USP9X: variants seen among roughly 807,000 people sequenced by gnomAD.
USP9X encodes the protein ubiquitin specific peptidase 9 X-linked, also known as ubiquitin carboxyl-terminal hydrolase 9X.
Under a neutral mutation model 190.3 loss-of-function variants are expected in USP9X, and 7 were observed. The ratio of observed to expected loss-of-function variants is 0.04; its 90% CI spans 0.02 to 0.07. The LOEUF (loss-of-function observed/expected upper bound fraction) is 0.07, where lower values mean the gene tolerates loss of function less well. Ranked by LOEUF, USP9X falls within the 10% of genes least tolerant of loss-of-function variation. The pLI is 1.00. For missense variants in USP9X, 1,010 were observed against 1,916.9 expected (o/e 0.53, Z 8.83); for synonymous variants, 645 against 659.5 (o/e 0.98, Z 0.34).
intron 5 of USP9X, among the ~76,000 whole-genome samples, 182 bp from the exon 6 acceptor site, chrX:41,136,622 A>G (rs762599963): frequency 3.3e-4 from 37 of 112,586 alleles, no homozygotes; most frequent in Non-Finnish European, 6.7e-4. Flanking sequence ...TGAAAGTACC[A>G]TATAAATTAT....
At position 41,127,596 on chromosome X, in the gene USP9X, C is replaced by G. The variant is rs775439555; in HGVS notation, c.97-1404C>G. Among the ~76,000 whole-genome samples the G allele has an allele frequency of 1.1e-4, 12 of 112,244 alleles. No homozygotes were observed. In the Admixed American group the frequency reaches 1.1e-3, roughly 11 times the overall value. ...TGTTGGACTTGTAACACTTGACTTC[C>G]GTGCTGTAGTTTCCTGTGCCTTGAG... On this transcript the variant is annotated intron_variant, in intron 2 of 44. Transcript: ENST00000378308.
chrX:41,116,436 T>TA (rs896316075), intron 1 of USP9X, among the ~76,000 whole-genome samples: 4 of 112,481 alleles, frequency 3.6e-5, no homozygotes, highest in African/African-American at 1.3e-4. Context: ...CTCTGTGACA[T>TA]AAAAAACAGG....
At chrX:41,143,268 C>G (rs769956497) in intron 9 of USP9X, 23 bp from the exon 10 acceptor site, 1 of 1,081,032 alleles carries the variant, frequency 9.3e-7, no homozygotes, top group Non-Finnish European at 1.2e-6. Context: ...TGCTTTCAAA[C>G]ACGTTTTTGA....
intron 24 of USP9X, among the ~76,000 whole-genome samples, 170 bp from the exon 25 acceptor site, chrX:41,187,822 C>T (rs1341226804): frequency 2.8e-5 from 3 of 107,983 alleles, no homozygotes; most frequent in Non-Finnish European, 3.8e-5. Context: ...GGGCCCTCCG[C>T]CCCCACCTTT....
chrX:41,188,786 A>G (rs2062906245), intron 25 of USP9X, among the ~76,000 whole-genome samples: 1 of 112,029 alleles, frequency 8.9e-6, no homozygotes, highest in Non-Finnish European at 1.9e-5. Flanking sequence ...CTGAATACTT[A>G]TTCTGTTTCA....
intron 1 of USP9X, among the ~76,000 whole-genome samples, chrX:41,086,361 G>C (rs1230635810): frequency 5.4e-5 from 6 of 111,966 alleles, no homozygotes; most frequent in Non-Finnish European, 1.1e-4. Context: ...AATGGCTGAC[G>C]GCTCCGTCCC....
At chrX:41,094,661 T>A (rs1225794260) in intron 1 of USP9X, among the ~76,000 whole-genome samples, 1 of 111,579 alleles carries the variant, frequency 9.0e-6, no homozygotes, top group Non-Finnish European at 1.9e-5. Flanking sequence ...ATATTTGGGA[T>A]CAGAAGTGTT....
chrX:41,085,598 G>T lies in USP9X; in HGVS notation c.-670G>T. 3.6e-6 allele frequency: 1 copy of T among 276,831 alleles called. No homozygotes were observed. Among genetic ancestry groups the T allele is most frequent in the Non-Finnish European group, 6.4e-6 (1 of 157,306 alleles). The allele number at this position is 276,831 out of a possible 1,213,427, so 22.8% of individuals were successfully genotyped here. A position where few individuals can be genotyped will look rare whatever the true frequency, so the allele number is the denominator to read the frequency against. ...CCGCCTTACACAGCTCCCGGGCCTC[G>T]CGGGAGCCCGCCGCCGCCGCCTCTC... On this transcript the variant is annotated 5_prime_UTR_variant, in exon 1 of 45. Coordinates refer to ENST00000378308, the MANE Select transcript of USP9X (RefSeq NM_001039591.3).
At chrX:41,138,442 G>C (rs1347281410) in intron 6 of USP9X, among the ~76,000 whole-genome samples, 1 of 112,261 alleles carries the variant, frequency 8.9e-6, no homozygotes, top group Non-Finnish European at 1.9e-5. Context: ...GATACTGTTT[G>C]TAATGAGTTT....
intron 11 of USP9X, among the ~76,000 whole-genome samples, chrX:41,145,716 G>A (rs2062458578): frequency 9.0e-6 from 1 of 111,535 alleles, no homozygotes; most frequent in Non-Finnish European, 1.9e-5. Flanking sequence ...TTCACATTGT[G>A]TACTGTAATA....
chrX:41,179,734 G>A (rs997263368), intron 21 of USP9X, among the ~76,000 whole-genome samples: 37 of 111,813 alleles, frequency 3.3e-4, no homozygotes, highest in South Asian at 3.0e-3. Context: ...TCAGTCTTCA[G>A]CCTCTGTCTT....
At chrX:41,181,435 C>CTCTTTTTT (rs2062825321) in intron 21 of USP9X, among the ~76,000 whole-genome samples, 1 of 38,572 alleles carries the variant, frequency 2.6e-5, no homozygotes, top group Non-Finnish European at 5.4e-5. Flanking sequence ...CCACACCTGA[C>CTCTTTTTT]TTTTTTTTTT....
At chrX:41,212,466 A>AT (rs1385564115) in intron 33 of USP9X, among the ~76,000 whole-genome samples, 1 of 107,954 alleles carries the variant, frequency 9.3e-6, no homozygotes, top group African/African-American at 3.4e-5. Context: ...AATTAAAAAA[A>AT]AAAAAAAAAG....
At chrX:41,130,479 T>C (rs750653211) in intron 3 of USP9X, among the ~76,000 whole-genome samples, 1 of 96,229 alleles carries the variant, frequency 1.0e-5, no homozygotes, top group Non-Finnish European at 2.1e-5. Flanking sequence ...TTTTCTTTTT[T>C]TTTTTGTTTT....
chrX:41,168,481 G>A (rs554368223), intron 18 of USP9X, among the ~76,000 whole-genome samples: 1 of 111,876 alleles, frequency 8.9e-6, no homozygotes, highest in South Asian at 3.7e-4. Context: ...AAGTGTTGCA[G>A]TGGCATTTTG....
At chrX:41,124,686 A>G (rs1332985842) in intron 2 of USP9X, among the ~76,000 whole-genome samples, 1 of 111,579 alleles carries the variant, frequency 9.0e-6, no homozygotes, top group African/African-American at 3.3e-5. Context: ...AATACATACA[A>G]TTGTAAATTG....
chrX:41,128,920 C>T, intron 2 of USP9X, 80 bp from the exon 3 acceptor site: 1 of 1,058,713 alleles, frequency 9.4e-7, no homozygotes, highest in Middle Eastern at 3.1e-4. Context: ...ATCTGCAATG[C>T]TTGTCTATGT....
intron 41 of USP9X, among the ~76,000 whole-genome samples, chrX:41,226,595 G>A (rs1230030534): frequency 4.5e-5 from 5 of 112,051 alleles, no homozygotes; most frequent in African/African-American, 1.6e-4. Flanking sequence ...TTGCAACTTA[G>A]TATTTTCAAA....
chrX:41,202,026 A>G (rs2063046974), intron 31 of USP9X, among the ~76,000 whole-genome samples: 1 of 112,018 alleles, frequency 8.9e-6, no homozygotes, highest in African/African-American at 3.2e-5. Flanking sequence ...AGTGTTTAGT[A>G]TAATTTGGGG....
Sources: gnomAD v4.1 joint callset for allele counts (sites outside exome capture counted in the v4.1 genomes callset) on GRCh38, gnomAD v4.1.1 for gene constraint, MANE v1.5 for transcripts, NCBI Gene and HGNC (gene_info 2026-07-23, HGNC 2026-07-21) for gene names.